CALN1: variants seen among roughly 807,000 people sequenced by gnomAD.
CALN1 encodes the protein calcium-binding protein 8.
CALN1 carries 17 observed loss-of-function variants against 30.6 expected under a neutral mutation model. The ratio of observed to expected loss-of-function variants is 0.56; its 90% CI spans 0.38 to 0.83. CALN1 has a LOEUF of 0.83. Ranked by LOEUF, CALN1 falls within the 40% of genes least tolerant of loss-of-function variation. The pLI, the probability that CALN1 is intolerant of heterozygous loss-of-function variation, is 0.00. For synonymous variants in CALN1, 156 were observed against 131.4 expected (o/e 1.19, Z -1.28); for missense variants, 291 against 354.9 (o/e 0.82, Z 1.45).
intron 2 of CALN1, among the ~76,000 whole-genome samples, chr7:72,303,851 G>T (rs571070811): frequency 1.3e-5 from 2 of 152,242 alleles, no homozygotes; most frequent in East Asian, 3.9e-4. Context: ...TCTCATCTGG[G>T]TGACAGAGCA....
chr7:72,358,542 G>A (rs1408817480), intron 2 of CALN1, among the ~76,000 whole-genome samples: 1 of 152,162 alleles, frequency 6.6e-6, no homozygotes, highest in African/African-American at 2.4e-5. Context: ...CAACATACCA[G>A]AACTGGCACT....
chr7:72,210,432 T>C (rs1562742252), intron 3 of CALN1, among the ~76,000 whole-genome samples: 1 of 152,158 alleles, frequency 6.6e-6, no homozygotes, highest in Non-Finnish European at 1.5e-5. Flanking sequence ...TTTGGGAGGC[T>C]GCATTGTTTC....
chr7:72,224,827 G>C (rs140461964), intron 3 of CALN1, among the ~76,000 whole-genome samples: 1 of 151,668 alleles, frequency 6.6e-6, no homozygotes, highest in Admixed American at 6.6e-5. Flanking sequence ...GGTGGCTCAC[G>C]CCTGTAATCC....
At chr7:72,114,034 G>C (rs1807763722) in intron 3 of CALN1, among the ~76,000 whole-genome samples, 1 of 151,484 alleles carries the variant, frequency 6.6e-6, no homozygotes, top group South Asian at 2.1e-4. Flanking sequence ...TAGAGTGGAT[G>C]GTGCTCAAGG....
chr7:72,052,791 C>G (rs1802919099), intron 4 of CALN1, among the ~76,000 whole-genome samples: 1 of 152,196 alleles, frequency 6.6e-6, no homozygotes, highest in Non-Finnish European at 1.5e-5. Context: ...CTTTGAAGCA[C>G]TTGGTTCCCA....
chr7:72,188,274 T>C (rs908508049), intron 3 of CALN1, among the ~76,000 whole-genome samples: 3 of 152,126 alleles, frequency 2.0e-5, no homozygotes, highest in African/African-American at 7.2e-5. Context: ...TATATACATG[T>C]ACATAAATAC....
chr7:72,440,602 G>A (rs942362057), intron 1 of CALN1, among the ~76,000 whole-genome samples: 10 of 152,168 alleles, frequency 6.6e-5, no homozygotes, highest in Admixed American at 3.3e-4. Context: ...TGAGGCAGGC[G>A]GATCACTTGA....
intron 2 of CALN1, among the ~76,000 whole-genome samples, chr7:72,399,252 G>A (rs1806178734): frequency 6.9e-6 from 1 of 144,046 alleles, no homozygotes; most frequent in African/African-American, 2.6e-5. Flanking sequence ...TCCCCAGCCG[G>A]TTTTGTCTAA....
At chr7:72,359,408 A>G (rs918483927) in intron 2 of CALN1, among the ~76,000 whole-genome samples, 1 of 152,170 alleles carries the variant, frequency 6.6e-6, no homozygotes, top group Non-Finnish European at 1.5e-5. Flanking sequence ...CTTTCCAGAG[A>G]TATTTTACAT....
chr7:71,913,749 C>T (rs2117015222), intron 5 of CALN1: 1 of 152,322 alleles, frequency 6.6e-6, no homozygotes, highest in East Asian at 1.9e-4. Context: ...AGATACAGCA[C>T]CTGGTATTCA....
chr7:72,037,787 A>G (rs991672278), intron 4 of CALN1, among the ~76,000 whole-genome samples: 3 of 151,976 alleles, frequency 2.0e-5, no homozygotes, highest in East Asian at 3.9e-4. Flanking sequence ...CTCTATGCCA[A>G]TGATCAATCT....
At chr7:71,937,777 C>T (rs1795922105) in intron 5 of CALN1, among the ~76,000 whole-genome samples, 1 of 152,216 alleles carries the variant, frequency 6.6e-6, no homozygotes, top group African/African-American at 2.4e-5. Flanking sequence ...CTGCACCTGC[C>T]AACTCTTTAA....
At chr7:72,203,402 T>C (rs1015821970) in intron 3 of CALN1, among the ~76,000 whole-genome samples, 1 of 152,064 alleles carries the variant, frequency 6.6e-6, no homozygotes, top group Non-Finnish European at 1.5e-5. Context: ...GAGTAGGTCA[T>C]AGGTCATGCT....
At chr7:72,228,025 G>A (rs946462577) in intron 3 of CALN1, among the ~76,000 whole-genome samples, 1 of 151,944 alleles carries the variant, frequency 6.6e-6, no homozygotes, top group Non-Finnish European at 1.5e-5. Context: ...CAGGTTCACG[G>A]CAAAGCAGAA....
chr7:71,794,573 G>T (rs991527715), intron 6 of CALN1, among the ~76,000 whole-genome samples: 2 of 152,090 alleles, frequency 1.3e-5, no homozygotes, highest in Non-Finnish European at 2.9e-5. Context: ...GCTAATAATT[G>T]CTCTGCTCAT....
intron 2 of CALN1, among the ~76,000 whole-genome samples, chr7:72,374,285 T>C (rs1180363807): frequency 6.6e-6 from 1 of 152,150 alleles, no homozygotes; most frequent in Admixed American, 6.5e-5. Context: ...TCCCAGCACT[T>C]TGGGAGGCCG....
At chr7:72,340,086 A>AC in intron 2 of CALN1, among the ~76,000 whole-genome samples, 1 of 152,246 alleles carries the variant, frequency 6.6e-6, no homozygotes, top group Middle Eastern at 3.4e-3. Flanking sequence ...TGAGGACTAA[A>AC]CTCTAACTGT....
intron 4 of CALN1, among the ~76,000 whole-genome samples, chr7:72,098,801 C>CACAG (rs1422585433): frequency 2.6e-5 from 4 of 151,116 alleles, no homozygotes; most frequent in African/African-American, 9.7e-5. Flanking sequence ...CACACACACA[C>CACAG]AGCCAGTCCC....
chr7:71,898,881 A>G (rs903916966), intron 5 of CALN1, among the ~76,000 whole-genome samples: 2 of 152,234 alleles, frequency 1.3e-5, no homozygotes, highest in East Asian at 3.8e-4. Flanking sequence ...TTGAATGAGA[A>G]AGTGACTGCT....
Sources: gnomAD v4.1 joint callset for allele counts (sites outside exome capture counted in the v4.1 genomes callset) on GRCh38, gnomAD v4.1.1 for gene constraint, MANE v1.5 for transcripts, NCBI Gene and HGNC (gene_info 2026-07-23, HGNC 2026-07-21) for gene names.